ZNF484: variants seen among roughly 807,000 people sequenced by gnomAD.
The protein encoded by ZNF484 is zinc finger protein 484, also known as KRAB box containing C2H2 type zinc finger bA526D8.4.
Under a neutral mutation model 12.9 loss-of-function variants are expected in ZNF484, and 11 were observed. That is an observed-to-expected ratio of 0.85 (90% CI 0.54 to 1.41). The LOEUF is 1.41. Ranked by LOEUF, ZNF484 falls within the 40% of genes most tolerant of loss-of-function variation. The pLI is 0.00. For missense variants in ZNF484, 807 were observed against 1,007.7 expected (o/e 0.80, Z 2.70); for synonymous variants, 289 against 334.1 (o/e 0.86, Z 1.47).
At chr9:92,851,426 A>C (rs181600433) in intron 4 of ZNF484, among the ~76,000 whole-genome samples, 3 of 152,258 alleles carry the variant, frequency 2.0e-5, no homozygotes, top group African/African-American at 7.2e-5. Flanking sequence ...TTATTGGAAC[A>C]CAGCCACACC....
intron 2 of ZNF484, among the ~76,000 whole-genome samples, chr9:92,862,700 T>C (rs185375756): frequency 6.6e-5 from 10 of 152,316 alleles, no homozygotes; most frequent in Admixed American, 2.6e-4. Context: ...CAATACATAA[T>C]GGACTGCCAT....
At chr9:92,869,827 C>A (rs1401559582) in intron 2 of ZNF484, among the ~76,000 whole-genome samples, 1 of 152,130 alleles carries the variant, frequency 6.6e-6, no homozygotes, top group Non-Finnish European at 1.5e-5. Context: ...AGGAATAGAG[C>A]AGATGACAAC....
intron 2 of ZNF484, among the ~76,000 whole-genome samples, chr9:92,872,002 G>A (rs548256180): frequency 3.9e-5 from 6 of 152,236 alleles, no homozygotes; most frequent in African/African-American, 9.6e-5. Context: ...GGGCCAATGC[G>A]GGCGGATCGC....
Position 92,846,804 on chromosome 9 carries a change from C to T in ZNF484, c.1983G>A (p.Glu661=). The part of the protein sequence containing the change: ...LFTHQKIHTG[E]KPYKCSDCGK... Reference sequence around the variant, plus strand: ...CACAGTCACTACATTTATAAGGTTTCTCTCCAGTGTGAATTTTCTGGTGTG... The same window carrying T: ...CACAGTCACTACATTTATAAGGTTTTTCTCCAGTGTGAATTTTCTGGTGTG... Residue 661 remains glutamate, a synonymous_variant, in exon 5 of 5, where the codon GAG becomes GAA. Transcript: ENST00000375495. 2.5e-6 allele frequency: 4 copies of T among 1,614,070 alleles called. No homozygotes were observed. The South Asian group carries it at 4.4e-5, about 18-fold the overall frequency.
At chr9:92,862,284 T>C (rs1283351234) in intron 2 of ZNF484, 1 of 276,040 alleles carries the variant, frequency 3.6e-6, no homozygotes, top group African/African-American at 2.3e-5. Context: ...GAACTTTATG[T>C]TGTGAACATC....
At chr9:92,861,338 G>C (rs762213494) in intron 2 of ZNF484, among the ~76,000 whole-genome samples, 6 of 152,202 alleles carry the variant, frequency 3.9e-5, no homozygotes, top group Non-Finnish European at 7.3e-5. Flanking sequence ...AGATGAATCA[G>C]ATGTTGGAAT....
chr9:92,847,908 C>G lies in ZNF484; in HGVS notation c.879G>C (p.Gln293His). 3 of 1,614,190 alleles carry G rather than the reference C, an allele frequency of 1.9e-6. No homozygotes were observed. The highest frequency in any genetic ancestry group is 2.5e-6 in the Non-Finnish European group (3 of 1,180,046). Residue 293 changes from glutamine to histidine, a missense_variant, in exon 5 of 5, where the codon CAG becomes CAC. Coordinates refer to ENST00000375495, the MANE Select transcript of ZNF484 (RefSeq NM_031486.4). ...CATAAACCCTCTGACTGCCATCAAGCTGGGACTTCTGAGTGAAGACTGCCT... is the reference window on the plus strand; with the variant it reads ...CATAAACCCTCTGACTGCCATCAAGGTGGGACTTCTGAGTGAAGACTGCCT... ...ECEAVFTQKS[Q>H]LDGSQRVYAG... is the part of the protein sequence containing the mutation.
intron 4 of ZNF484, among the ~76,000 whole-genome samples, chr9:92,850,373 C>G (rs1855993422): frequency 6.6e-6 from 1 of 152,144 alleles, no homozygotes. Context: ...TTTCCTTAAT[C>G]TGTAAATCCT....
In ZNF484 at chr9:92,847,939, T is replaced by A. The variant is rs749699709; in HGVS notation, c.848A>T (p.Glu283Val). 23 of 1,614,110 alleles carry A rather than the reference T, an allele frequency of 1.4e-5. No individual in the cohort carries two copies. The South Asian group carries it at 2.5e-4, about 18-fold the overall frequency. ...CAEEKQHECH[E>V]CEAVFTQKSQ... is the part of the protein sequence containing the mutation. ...CTTCTGAGTGAAGACTGCCTCACAT[T>A]CATGGCATTCATGCTGCTTTTCTTC... The change falls in exon 5 of 5, where the codon GAA becomes GTA. Residue 283 changes from glutamate to valine, a missense_variant. Coordinates refer to ENST00000375495, the MANE Select transcript of ZNF484 (RefSeq NM_031486.4).
At chr9:92,858,823 A>T (rs955715146) in intron 2 of ZNF484, among the ~76,000 whole-genome samples, 1 of 152,182 alleles carries the variant, frequency 6.6e-6, no homozygotes, top group African/African-American at 2.4e-5. Flanking sequence ...ATGAAAAAAT[A>T]GGTAGTTCAA....
rs1303041703 is a variant in ZNF484, at chr9:92,847,270, G to C, written c.1517C>G (p.Thr506Ser). ...GTGCTTAATGAGATTTGACCTGTCA[G>C]TAAAGGCCTTACCACACACAGTACA... The part of the protein sequence containing the change: ...YICTVCGKAF[T>S]DRSNLIKHQK... The change falls in exon 5 of 5, where the codon ACT becomes AGT. Residue 506 changes from threonine (T) to serine (S), a missense_variant. Thr to Ser is a moderately conservative substitution (Grantham distance 58, BLOSUM62 1). Transcript: ENST00000375495. 7.4e-6 allele frequency: 12 copies of C among 1,613,952 alleles called. No homozygotes were observed. The highest frequency in any genetic ancestry group is 1.6e-4 in the Middle Eastern group (1 of 6,084).
intron 2 of ZNF484, among the ~76,000 whole-genome samples, chr9:92,859,461 A>C (rs892827502): frequency 6.6e-6 from 1 of 152,216 alleles, no homozygotes; most frequent in Non-Finnish European, 1.5e-5. Context: ...TACATATTGC[A>C]AAATGAGTAC....
chr9:92,860,279 T>C (rs1856699780), intron 2 of ZNF484, among the ~76,000 whole-genome samples: 1 of 152,144 alleles, frequency 6.6e-6, no homozygotes, highest in Non-Finnish European at 1.5e-5. Context: ...CAAACCTCTC[T>C]TTGGGCAAAG....
chr9:92,870,334 G>A (rs1857355728), intron 2 of ZNF484, among the ~76,000 whole-genome samples: 1 of 152,156 alleles, frequency 6.6e-6, no homozygotes, highest in Non-Finnish European at 1.5e-5. Flanking sequence ...CAGGAAAGGG[G>A]CAACAGAGAA....
chr9:92,845,993 C>T lies in ZNF484; in HGVS notation c.*235G>A. The stretch of plus-strand genomic sequence containing the variant: ...GGTCAATATTGAATAGTTGTGGTAC[C>T]CAGAACATGAAAAACTCAACAGCCA... On this transcript the variant is annotated 3_prime_UTR_variant, in exon 5 of 5. Transcript: ENST00000375495. The surrounding 1 kb of genome is among the most constrained non-coding windows in gnomAD (Gnocchi z 4.0). The T allele has an allele frequency of 3.8e-6, 2 of 523,784 alleles. No homozygotes were observed. The highest frequency in any genetic ancestry group is 2.6e-5 in the South Asian group (1 of 38,108). The allele number at this position is 523,784 out of a possible 1,614,324, so 32.4% of individuals were successfully genotyped here. A position where few individuals can be genotyped will look rare whatever the true frequency, so the allele number is the denominator to read the frequency against.
Position 92,855,851 on chromosome 9 carries a change from T to C in ZNF484, c.195A>G (p.Pro65=). 1 of 1,614,172 alleles carries C rather than the reference T, an allele frequency of 6.2e-7. No homozygotes were observed. The highest frequency in any genetic ancestry group is 8.5e-7 in the Non-Finnish European group (1 of 1,180,016). ...TGGGGATCTCACCATCCAACATACA[T>C]GGCTCTTCTTGTTCCAAGCTGAAGA... ...EVIFSLEQEE[P]CMLDGEIPSQ... is the part of the protein sequence containing the mutation. The change falls in exon 4 of 5, where the codon CCA becomes CCG. Residue 65 remains proline (P), a synonymous_variant. Coordinates refer to ENST00000375495, the MANE Select transcript of ZNF484 (RefSeq NM_031486.4).
At chr9:92,874,924 C>A in intron 2 of ZNF484, 91 bp downstream of exon 2, 1 of 1,230,696 alleles carries the variant, frequency 8.1e-7, no homozygotes, top group South Asian at 1.4e-5. Flanking sequence ...TTAGTCTTGT[C>A]ATCTTACTAT....
Position 92,848,001 on chromosome 9 carries a change from C to G in ZNF484, c.786G>C (p.Pro262=). The G allele has an allele frequency of 6.2e-7, 1 of 1,614,154 alleles. No homozygotes were observed. The change falls in exon 5 of 5, where the codon CCG becomes CCC. Residue 262 remains proline (P), a synonymous_variant. Coordinates refer to ENST00000375495, the MANE Select transcript of ZNF484 (RefSeq NM_031486.4). This position sits in a 1 kb window ranked among gnomAD's most constrained non-coding sequence, Gnocchi z 4.1. The part of the protein sequence containing the change: ...LFSDYVNVFS[P]KSHAFAHESI... ...TCTCATGTGCAAAGGCATGTGACTT[C>G]GGGGAGAAAACATTTACGTAGTCAG...
chr9:92,850,267 T>C (rs1271572763), intron 4 of ZNF484, among the ~76,000 whole-genome samples: 1 of 152,208 alleles, frequency 6.6e-6, no homozygotes, highest in African/African-American at 2.4e-5. Context: ...GAGATTGCAA[T>C]TCAGTGCAAA....
Sources: allele counts gnomAD v4.1 joint callset (sites outside exome capture counted in the v4.1 genomes callset), GRCh38; gene constraint gnomAD v4.1.1; non-coding constraint Gnocchi (gnomAD v3.1); transcripts MANE v1.5; gene names NCBI Gene and HGNC (gene_info 2026-07-23, HGNC 2026-07-21).